The following GALNTL6 variants were observed in gnomAD, a reference collection of about 807,000 sequenced individuals.
GALNTL6 encodes polypeptide N-acetylgalactosaminyltransferase-like 6.
GALNTL6 carries 46 observed loss-of-function variants against 73.7 expected under a neutral mutation model. The observed-to-expected ratio is 0.62, with a 90% confidence interval of 0.49 to 0.80. The LOEUF (loss-of-function observed/expected upper bound fraction) is 0.80, where lower values mean the gene tolerates loss of function less well. Ranked by LOEUF, GALNTL6 falls within the 30% of genes least tolerant of loss-of-function variation. The pLI is 0.00. For missense variants in GALNTL6, 604 were observed against 755.0 expected (o/e 0.80, Z 2.34); for synonymous variants, 259 against 263.7 (o/e 0.98, Z 0.17).
intron 5 of GALNTL6, among the ~76,000 whole-genome samples, chr4:172,751,471 A>G (rs1309507287): frequency 6.6e-6 from 1 of 152,202 alleles, no homozygotes; most frequent in African/African-American, 2.4e-5. Context: ...TTTCTCTGTC[A>G]TTGTGTGAGA....
chr4:171,904,991 G>C (rs945409414), intron 2 of GALNTL6, among the ~76,000 whole-genome samples: 14 of 152,116 alleles, frequency 9.2e-5, no homozygotes, highest in African/African-American at 3.1e-4. Context: ...GCTCCTGAAG[G>C]AAGCGCTAAA....
intron 2 of GALNTL6, among the ~76,000 whole-genome samples, chr4:172,121,151 C>A (rs1733138409): frequency 6.6e-6 from 1 of 151,918 alleles, no homozygotes; most frequent in Non-Finnish European, 1.5e-5. Context: ...ATGAGAATTA[C>A]ATAATTATTT....
At chr4:172,896,469 A>G (rs529915192) in intron 8 of GALNTL6, among the ~76,000 whole-genome samples, 2 of 152,324 alleles carry the variant, frequency 1.3e-5, no homozygotes, top group South Asian at 4.1e-4. Context: ...GAAACTCCGT[A>G]CAGGGCTGTG....
intron 2 of GALNTL6, among the ~76,000 whole-genome samples, chr4:171,824,783 A>AT (rs1170663018): frequency 6.6e-6 from 1 of 151,732 alleles, no homozygotes; most frequent in African/African-American, 2.4e-5. Flanking sequence ...ATATTTTTGC[A>AT]TTTTAAAGTA....
intron 5 of GALNTL6, among the ~76,000 whole-genome samples, chr4:172,384,096 G>C (rs1242404179): frequency 6.6e-6 from 1 of 151,964 alleles, no homozygotes; most frequent in African/African-American, 2.4e-5. Flanking sequence ...GTCTGGTTTT[G>C]GTATCAAGGT....
At chr4:172,140,083 T>C (rs1386605877) in intron 2 of GALNTL6, among the ~76,000 whole-genome samples, 1 of 152,054 alleles carries the variant, frequency 6.6e-6, no homozygotes, top group Non-Finnish European at 1.5e-5. Flanking sequence ...TCTGAGGGTG[T>C]TTAGCACAAA....
intron 5 of GALNTL6, among the ~76,000 whole-genome samples, chr4:172,480,448 T>C (rs1733407970): frequency 6.6e-6 from 1 of 152,226 alleles, no homozygotes; most frequent in Non-Finnish European, 1.5e-5. Context: ...ATTAGACCTA[T>C]GCTCAAATCC....
At chr4:172,437,290 G>A (rs952882296) in intron 5 of GALNTL6, among the ~76,000 whole-genome samples, 11 of 152,062 alleles carry the variant, frequency 7.2e-5, no homozygotes, top group African/African-American at 2.7e-4. Context: ...AAAGTTCAAG[G>A]TGAATTCTAA....
chr4:172,201,871 G>A lies in GALNTL6; in HGVS notation c.139-27785G>A, dbSNP rs185013754. Among the ~76,000 whole-genome samples the A allele has an allele frequency of 3.3e-5, 5 of 152,152 alleles. No individual in the cohort carries two copies. In the East Asian group the frequency reaches 9.7e-4, roughly 30 times the overall value. ...CAGCACTCTCCTGCAGAAACAGAGG[G>A]GTATGGTAGGTTCTCACTTGATGCC... On this transcript the variant is annotated intron_variant, in intron 2 of 12. Transcript: ENST00000506823.
rs987376697 is a variant in GALNTL6 at position 171,903,469 on chromosome 4, C to A, written c.138+88751C>A. Among the ~76,000 whole-genome samples, 5 of 152,284 alleles carry A rather than the reference C, an allele frequency of 3.3e-5. No individual in the cohort carries two copies. The South Asian group carries it at 1.0e-3, about 32-fold the overall frequency. On this transcript the variant is annotated intron_variant, in intron 2 of 12. Coordinates refer to ENST00000506823, the MANE Select transcript of GALNTL6 (RefSeq NM_001034845.3). ...AAAACGGCACACCAGGAGATTAAAT[C>A]CCTCACGTGGCTCGGAGGGTCCCAC...
chr4:171,880,318 G>A (rs1736402545), intron 2 of GALNTL6, among the ~76,000 whole-genome samples: 1 of 152,186 alleles, frequency 6.6e-6, no homozygotes, highest in Non-Finnish European at 1.5e-5. Flanking sequence ...TCTAAGGAAT[G>A]CCAGTAATGT....
intron 3 of GALNTL6, among the ~76,000 whole-genome samples, chr4:172,294,079 T>A (rs1739573489): frequency 6.6e-6 from 1 of 151,760 alleles, no homozygotes. Context: ...CTTACAATGC[T>A]ACAAATAAGA....
At position 173,018,432 on chromosome 4, in the gene GALNTL6, G is replaced by GAGGAT. The variant is rs1752866988; in HGVS notation, c.1489-3043_1489-3039dup. The stretch of plus-strand genomic sequence containing the variant: ...TTATTTATTCAATAGAAATTTAATT[G>GAGGAT]AGGATCTATTGTGTGTCATAAATTG... On this transcript the variant is annotated intron_variant, in intron 11 of 12. Coordinates refer to ENST00000506823, the MANE Select transcript of GALNTL6 (RefSeq NM_001034845.3). Among the ~76,000 whole-genome samples the GAGGAT allele has an allele frequency of 2.0e-5, 3 of 152,246 alleles. No individual in the cohort carries two copies. In the South Asian group the frequency reaches 6.2e-4, roughly 32 times the overall value.
intron 2 of GALNTL6, among the ~76,000 whole-genome samples, chr4:171,858,130 A>G (rs1468845115): frequency 1.3e-5 from 2 of 152,156 alleles, no homozygotes; most frequent in African/African-American, 4.8e-5. Flanking sequence ...AGAAAGCAAT[A>G]TAGAAATTAT....
At chr4:172,429,356 C>T (rs1211372849) in intron 5 of GALNTL6, among the ~76,000 whole-genome samples, 4 of 151,860 alleles carry the variant, frequency 2.6e-5, no homozygotes, top group Non-Finnish European at 4.4e-5. Flanking sequence ...GGACTACAGG[C>T]GTGCACCACT....
intron 2 of GALNTL6, among the ~76,000 whole-genome samples, chr4:172,189,574 G>T (rs1735511662): frequency 6.6e-6 from 1 of 152,086 alleles, no homozygotes; most frequent in Non-Finnish European, 1.5e-5. Context: ...ATGTTAAAAA[G>T]AATACCTGCT....
chr4:172,807,466 C>T (rs930053474), intron 5 of GALNTL6, among the ~76,000 whole-genome samples: 3 of 152,242 alleles, frequency 2.0e-5, no homozygotes, highest in Non-Finnish European at 4.4e-5. Context: ...TACTAGTCTT[C>T]GATTATTGGC....
chr4:172,222,416 A>G (rs552171417), intron 2 of GALNTL6, among the ~76,000 whole-genome samples: 10 of 152,140 alleles, frequency 6.6e-5, no homozygotes, highest in African/African-American at 1.7e-4. Context: ...GGAAATATGT[A>G]TAATAAAAGT....
chr4:172,988,694 G>A (rs1751404204), intron 10 of GALNTL6, among the ~76,000 whole-genome samples: 1 of 152,232 alleles, frequency 6.6e-6, no homozygotes, highest in Non-Finnish European at 1.5e-5. Context: ...CCAGGCCCAG[G>A]ACCCTGCTGC....
Sources: allele counts gnomAD v4.1 joint callset (sites outside exome capture counted in the v4.1 genomes callset), GRCh38; gene constraint gnomAD v4.1.1; transcripts MANE v1.5; gene names NCBI Gene and HGNC (gene_info 2026-07-23, HGNC 2026-07-21).